Variants in ANKRD17 observed in about 807,000 individuals in gnomAD.
The protein encoded by ANKRD17 is ankyrin repeat domain 17.
ANKRD17 carries 19 observed loss-of-function variants against 229.7 expected under a neutral mutation model. That is an observed-to-expected ratio of 0.08 (90% CI 0.06 to 0.12). ANKRD17 has a LOEUF of 0.12. Among genes scored for constraint, ANKRD17 ranks in the 10% least tolerant of loss-of-function variants. ANKRD17 has a pLI of 1.00. For synonymous variants in ANKRD17, 1,112 were observed against 1,146.1 expected (o/e 0.97, Z 0.60); for missense variants, 2,176 against 3,176.8 (o/e 0.68, Z 7.57).
intron 2 of ANKRD17, 29 bp from the exon 3 acceptor site, chr4:73,161,377 ACACACC>A (rs1732500317): frequency 6.2e-7 from 1 of 1,609,750 alleles, no homozygotes; most frequent in South Asian, 1.1e-5. Context: ...ACCAATATGG[ACACACC>A]CAAAAGGAGA....
chr4:73,229,468 T>A (rs895579352), intron 1 of ANKRD17, among the ~76,000 whole-genome samples: 1 of 152,140 alleles, frequency 6.6e-6, no homozygotes, highest in East Asian at 1.9e-4. Flanking sequence ...GATTTATTCT[T>A]AGTTCATCAT....
At position 73,090,888 on chromosome 4, in the gene ANKRD17, G is replaced by A. The variant is rs943453766; in HGVS notation, c.6740C>T (p.Ala2247Val). ...ANKPIAPNFS[A>V]PLPFGPFSTL... ...GCTAAAGGGCCCAAATGGTAAGGGG[G>A]CACTGAAATTGGGAGCAATAGGCTT... Residue 2247 changes from alanine (A) to valine (V), a missense_variant, in exon 29 of 34, where the codon GCC (alanine) becomes GTC (valine). Physicochemically the swap from Ala to Val is moderately conservative, Grantham distance 64. Transcript: ENST00000358602. 1 of 1,614,250 alleles carries A rather than the reference G, an allele frequency of 6.2e-7. No individual in the cohort carries two copies. The highest frequency in any genetic ancestry group is 8.5e-7 in the Non-Finnish European group (1 of 1,180,052).
intron 9 of ANKRD17, 44 bp downstream of exon 9, chr4:73,147,197 A>C: frequency 6.7e-7 from 1 of 1,483,510 alleles, no homozygotes; most frequent in Non-Finnish European, 9.0e-7. Context: ...TTTTTACTTA[A>C]ACAAATCATG....
intron 1 of ANKRD17, among the ~76,000 whole-genome samples, chr4:73,247,920 T>C (rs1439797731): frequency 7.1e-6 from 1 of 141,090 alleles, no homozygotes; most frequent in Non-Finnish European, 1.5e-5. Flanking sequence ...GATTTTTCTA[T>C]TCTTTAGATC....
intron 1 of ANKRD17, among the ~76,000 whole-genome samples, chr4:73,238,806 G>A (rs542710259): frequency 1.1e-4 from 16 of 152,242 alleles, no homozygotes; most frequent in African/African-American, 3.6e-4. Context: ...TACAATATGA[G>A]AGTTAAGAAA....
intron 14 of ANKRD17, 92 bp from the exon 15 acceptor site, chr4:73,140,375 A>C (rs1729446048): frequency 7.5e-7 from 1 of 1,340,420 alleles, no homozygotes; most frequent in African/African-American, 1.5e-5. Flanking sequence ...ACAGTTATGC[A>C]CTAAGTAATC....
At chr4:73,094,268 A>T in intron 27 of ANKRD17, 40 bp from the exon 28 acceptor site, 1 of 1,539,256 alleles carries the variant, frequency 6.5e-7, no homozygotes, top group Non-Finnish European at 8.9e-7. Context: ...ATTAGTCATT[A>T]ACAATAGTTA....
At chr4:73,154,204 GACT>G (rs1279356110) in intron 5 of ANKRD17, 91 bp from the exon 6 acceptor site, 7 of 716,720 alleles carry the variant, frequency 9.8e-6, no homozygotes, top group African/African-American at 5.4e-5. Context: ...GGAAACAGAA[GACT>G]ACAACCATAA....
At chr4:73,137,020 T>G (rs1361123046) in intron 15 of ANKRD17, among the ~76,000 whole-genome samples, 1 of 150,992 alleles carries the variant, frequency 6.6e-6, no homozygotes, top group East Asian at 1.9e-4. Flanking sequence ...TGGTTGTTCT[T>G]ATCACCTCAT....
At chr4:73,087,741 T>C (rs916916376) in intron 29 of ANKRD17, among the ~76,000 whole-genome samples, 1 of 152,188 alleles carries the variant, frequency 6.6e-6, no homozygotes, top group Admixed American at 6.5e-5. Flanking sequence ...GTGGCATAGC[T>C]GTGAAGGCAA....
intron 15 of ANKRD17, among the ~76,000 whole-genome samples, 163 bp from the exon 16 acceptor site, chr4:73,135,428 A>G (rs1311112214): frequency 6.6e-6 from 1 of 152,226 alleles, no homozygotes; most frequent in African/African-American, 2.4e-5. Flanking sequence ...CACTGATGAC[A>G]GTGTAAAATT....
chr4:73,076,147 A>C lies in ANKRD17; in HGVS notation c.*84T>G. The C allele has an allele frequency of 8.0e-7, 1 of 1,252,668 alleles. No homozygotes were observed. The highest frequency in any genetic ancestry group is 1.1e-6 in the Non-Finnish European group (1 of 893,796). The allele number at this position is 1,252,668 out of a possible 1,614,324, so 77.6% of individuals were successfully genotyped here. On this transcript the variant is annotated 3_prime_UTR_variant, in exon 34 of 34. Transcript: ENST00000358602. ...TTCAGTCAAGCACATCAGTAGAATG[A>C]TTTGGGAGCATAATTTTTTTTTTCG...
intron 16 of ANKRD17, among the ~76,000 whole-genome samples, chr4:73,133,781 A>T (rs892952884): frequency 7.9e-5 from 12 of 152,130 alleles, no homozygotes; most frequent in Non-Finnish European, 1.5e-5. Flanking sequence ...CCAGCTACTC[A>T]GGAGGCTGAG....
At chr4:73,240,277 TG>T (rs758566118) in intron 1 of ANKRD17, among the ~76,000 whole-genome samples, 1 of 151,758 alleles carries the variant, frequency 6.6e-6, no homozygotes, top group Non-Finnish European at 1.5e-5. Context: ...GAAAAAAAAA[TG>T]TCAAGCCTGT....
chr4:73,214,973 AG>A (rs1328859951), intron 1 of ANKRD17, among the ~76,000 whole-genome samples: 1 of 152,072 alleles, frequency 6.6e-6, no homozygotes, highest in Non-Finnish European at 1.5e-5. Flanking sequence ...AAAGTACGGT[AG>A]CTGTCTCAAG....
At chr4:73,141,913 GAATA>G (rs1729660641) in intron 13 of ANKRD17, 70 bp from the exon 14 acceptor site, 4 of 1,117,730 alleles carry the variant, frequency 3.6e-6, no homozygotes, top group African/African-American at 1.6e-5. Flanking sequence ...TCTAAATAAA[GAATA>G]AATTAGAGAT....
At chr4:73,100,532 A>C (rs932294785) in intron 25 of ANKRD17, among the ~76,000 whole-genome samples, 2 of 151,920 alleles carry the variant, frequency 1.3e-5, no homozygotes, top group Non-Finnish European at 2.9e-5. Context: ...GGAAAATATA[A>C]GTATGTACTG....
chr4:73,243,985 G>A (rs1224988823), intron 1 of ANKRD17, among the ~76,000 whole-genome samples: 2 of 152,128 alleles, frequency 1.3e-5, no homozygotes, highest in African/African-American at 2.4e-5. Flanking sequence ...GAGACTGTAA[G>A]TCCAAGATCT....
chr4:73,235,366 C>T lies in ANKRD17; in HGVS notation c.393+22910G>A, dbSNP rs542999283. The stretch of plus-strand genomic sequence containing the variant: ...CAGTAACAGGGTTGCAGCCATACTA[C>T]TAACACTATTCAAGTTTAGATCCAT... On this transcript the variant is annotated intron_variant, in intron 1 of 33. Coordinates refer to ENST00000358602, the MANE Select transcript of ANKRD17 (RefSeq NM_032217.5). Among the ~76,000 whole-genome samples the T allele has an allele frequency of 4.6e-5, 7 of 152,278 alleles. No individual in the cohort carries two copies. In the East Asian group the frequency reaches 1.4e-3, roughly 29 times the overall value.
Sources: gnomAD v4.1 joint callset for allele counts (sites outside exome capture counted in the v4.1 genomes callset) on GRCh38, gnomAD v4.1.1 for gene constraint, MANE v1.5 for transcripts, NCBI Gene and HGNC (gene_info 2026-07-23, HGNC 2026-07-21) for gene names.